Variants in PCDHA7 observed in about 807,000 individuals in gnomAD.
The protein encoded by PCDHA7 is protocadherin alpha-7.
A neutral mutation model predicts 57.2 loss-of-function variants in PCDHA7; 37 were observed. The ratio of observed to expected loss-of-function variants is 0.65; its 90% CI spans 0.50 to 0.85. PCDHA7 has a LOEUF of 0.85. PCDHA7 is among the 40% of genes least tolerant of loss of function. The pLI, the probability that PCDHA7 is intolerant of heterozygous loss-of-function variation, is 0.00. For synonymous variants in PCDHA7, 553 were observed against 558.8 expected, an observed-to-expected ratio of 0.99 and a Z score of 0.15; for missense variants, 1,188 against 1,241.8, an observed-to-expected ratio of 0.96 and a Z score of 0.65.
At chr5:140,882,247 T>C in intron 1 of PCDHA7, 1 of 1,594,292 alleles carries the variant, frequency 6.3e-7, no homozygotes, top group Non-Finnish European at 8.6e-7. Context: ...TGCAGATAGC[T>C]CTGAGGTTTT....
intron 1 of PCDHA7, among the ~76,000 whole-genome samples, chr5:140,944,014 C>A (rs1205860914): frequency 1.3e-5 from 2 of 152,022 alleles, no homozygotes; most frequent in African/African-American, 2.4e-5. Context: ...CCCCCAAAAG[C>A]AATTATCTTC....
At chr5:140,909,977 G>A (rs1554194042) in intron 1 of PCDHA7, among the ~76,000 whole-genome samples, 2 of 152,214 alleles carry the variant, frequency 1.3e-5, no homozygotes, top group African/African-American at 4.8e-5. Flanking sequence ...AAGGATGGGA[G>A]AAAGACTAAC....
intron 1 of PCDHA7, chr5:140,842,957 G>A: frequency 6.3e-7 from 1 of 1,594,936 alleles, no homozygotes; most frequent in Middle Eastern, 1.8e-4. Flanking sequence ...GCCGCCTCTG[G>A]GCAGCAACGT....
chr5:140,957,709 A>T (rs1321290139), intron 1 of PCDHA7, among the ~76,000 whole-genome samples: 6 of 152,264 alleles, frequency 3.9e-5, no homozygotes, highest in Admixed American at 3.3e-4. Context: ...TGTAGTTTTT[A>T]TTAAGAAAGA....
At chr5:140,869,174 G>A (rs2050887580) in intron 1 of PCDHA7, 1 of 1,613,958 alleles carries the variant, frequency 6.2e-7, no homozygotes, top group Non-Finnish European at 8.5e-7. Flanking sequence ...CTCGAATTCT[G>A]GGAGGTGGGG....
At chr5:140,996,842 T>C (rs2097749816) in intron 3 of PCDHA7, among the ~76,000 whole-genome samples, 1 of 152,240 alleles carries the variant, frequency 6.6e-6, no homozygotes, top group African/African-American at 2.4e-5. Context: ...TTAGCGTGCA[T>C]CTTCAGAATT....
At chr5:140,965,670 G>A (rs2095922284) in intron 1 of PCDHA7, among the ~76,000 whole-genome samples, 1 of 152,144 alleles carries the variant, frequency 6.6e-6, no homozygotes, top group Non-Finnish European at 1.5e-5. Flanking sequence ...GGTGATAAAT[G>A]TAAAAGATTT....
intron 1 of PCDHA7, among the ~76,000 whole-genome samples, chr5:140,919,099 C>T (rs972213897): frequency 4.6e-5 from 7 of 152,126 alleles, no homozygotes; most frequent in Non-Finnish European, 7.4e-5. Context: ...CTATTTCTCC[C>T]TTCATTTCTG....
intron 1 of PCDHA7, chr5:140,866,111 C>T (rs2049154536): frequency 6.6e-6 from 1 of 151,970 alleles, no homozygotes; most frequent in South Asian, 2.1e-4. Flanking sequence ...TTAAGAGTTG[C>T]CTTATAAGAA....
At chr5:140,903,800 A>T (rs2070614237) in intron 1 of PCDHA7, among the ~76,000 whole-genome samples, 1 of 152,178 alleles carries the variant, frequency 6.6e-6, no homozygotes, top group African/African-American at 2.4e-5. Context: ...GTTGTAATTG[A>T]CAAGTATAGT....
In PCDHA7 at chr5:141,010,018, T is replaced by G. The variant is rs1257083450; in HGVS notation, c.*81T>G. On this transcript the variant is annotated 3_prime_UTR_variant, in exon 4 of 4. Coordinates refer to ENST00000525929, the MANE Select transcript of PCDHA7 (RefSeq NM_018910.3). ...TCCCATGTAGCAATTCCCTGCTCCTTTTTCCTATCTACATGAGCCCTCTTA... is the reference window on the plus strand; with the variant it reads ...TCCCATGTAGCAATTCCCTGCTCCTGTTTCCTATCTACATGAGCCCTCTTA... 2.5e-5 allele frequency: 40 copies of G among 1,571,834 alleles called. No homozygotes were observed. Among genetic ancestry groups the G allele is most frequent in the Non-Finnish European group, 3.4e-5 (39 of 1,163,118 alleles).
chr5:140,969,428 CAA>C lies in PCDHA7; in HGVS notation c.2356-9520_2356-9519del, dbSNP rs2096329692. The stretch of plus-strand genomic sequence containing the variant: ...GGCTTTATTGAGTCATTAACAGTGA[CAA>C]GAGTTATCTGGTAAACTGAGTATAT... On this transcript the variant is annotated intron_variant, in intron 1 of 3. Coordinates refer to ENST00000525929, the MANE Select transcript of PCDHA7 (RefSeq NM_018910.3). 8.4e-6 allele frequency: 13 copies of C among 1,555,028 alleles called. No homozygotes were observed. The East Asian group carries it at 1.4e-4, about 17-fold the overall frequency.
intron 1 of PCDHA7, chr5:140,884,130 C>T (rs1554181258): frequency 3.1e-6 from 5 of 1,613,434 alleles, no homozygotes; most frequent in Non-Finnish European, 3.4e-6. Flanking sequence ...GCGCGCATCC[C>T]GTTCCGCGTG....
chr5:140,884,506 G>T (rs10076265), intron 1 of PCDHA7: 2 of 1,614,054 alleles, frequency 1.2e-6, no homozygotes, highest in Admixed American at 3.3e-5. Flanking sequence ...GCGCGGCAGG[G>T]AGTTGGTCGT....
chr5:141,010,226 C>T lies in PCDHA7; in HGVS notation c.*289C>T, dbSNP rs1386050566. ...CGCCGCAAAGGAGAGGCTTCCCAGC[C>T]CCGCCAGTGAGAGGTTGGACTCTCT... On this transcript the variant is annotated 3_prime_UTR_variant, in exon 4 of 4. Transcript: ENST00000525929. 6.4e-7 allele frequency: 1 copy of T among 1,551,824 alleles called. No homozygotes were observed. Among genetic ancestry groups the T allele is most frequent in the Admixed American group, 2.0e-5 (1 of 51,014 alleles).
At chr5:140,985,180 G>A (rs782679962) in intron 3 of PCDHA7, among the ~76,000 whole-genome samples, 1 of 152,028 alleles carries the variant, frequency 6.6e-6, no homozygotes, top group Non-Finnish European at 1.5e-5. Flanking sequence ...CTCGTAATCC[G>A]CCTGCCTCGG....
intron 1 of PCDHA7, chr5:140,855,937 A>G: frequency 7.7e-7 from 1 of 1,306,456 alleles, no homozygotes; most frequent in Non-Finnish European, 1.1e-6. Flanking sequence ...TCATTCTGAG[A>G]TCTCAGCCAT....
chr5:140,836,314 G>A lies in PCDHA7; in HGVS notation c.1931G>A (p.Arg644His), dbSNP rs2150257460. Reference protein sequence around the residue: ...TRALDETDAPRHRLLVLVKDH... With the variant: ...TRALDETDAPHHRLLVLVKDH... ...GCCCTAGATGAGACGGACGCACCGCGCCACCGCCTTCTGGTGCTTGTGAAG... is the reference window on the plus strand; with the variant it reads ...GCCCTAGATGAGACGGACGCACCGCACCACCGCCTTCTGGTGCTTGTGAAG... The change falls in exon 1 of 4, where the codon CGC becomes CAC. Residue 644 changes from arginine to histidine, a missense_variant. By Grantham distance (29) the Arg-to-His change is conservative (BLOSUM62 0). Transcript: ENST00000525929. 10 of 1,613,658 alleles carry A rather than the reference G, an allele frequency of 6.2e-6. No individual in the cohort carries two copies. Among genetic ancestry groups the A allele is most frequent in the East Asian group, 2.2e-5 (1 of 44,848 alleles).
chr5:140,911,884 C>A (rs1283685498), intron 1 of PCDHA7, among the ~76,000 whole-genome samples: 1 of 152,050 alleles, frequency 6.6e-6, no homozygotes, highest in Non-Finnish European at 1.5e-5. Flanking sequence ...CTCCTGGGAC[C>A]AAAATCTGTA....
Sources: gnomAD v4.1 joint callset for allele counts (sites outside exome capture counted in the v4.1 genomes callset) on GRCh38, gnomAD v4.1.1 for gene constraint, MANE v1.5 for transcripts, NCBI Gene and HGNC (gene_info 2026-07-23, HGNC 2026-07-21) for gene names.